The following ITGA9 variants were observed in gnomAD, a reference collection of about 807,000 sequenced individuals.
The protein encoded by ITGA9 is integrin alpha-9.
A neutral mutation model predicts 127.8 loss-of-function variants in ITGA9; 56 were observed. The ratio of observed to expected loss-of-function variants is 0.44; its 90% CI spans 0.35 to 0.55. The LOEUF (loss-of-function observed/expected upper bound fraction) is 0.55, where lower values mean the gene tolerates loss of function less well. Ranked by LOEUF, ITGA9 falls within the 20% of genes least tolerant of loss-of-function variation. The probability of loss-of-function intolerance (pLI) is 0.00; values close to 1 mark genes in which losing one functional copy is unlikely to be tolerated. For missense variants in ITGA9, 1,196 were observed against 1,347.1 expected (o/e 0.89, Z 1.76); for synonymous variants, 508 against 514.5 (o/e 0.99, Z 0.17).
At chr3:37,750,655 C>T (rs1696572488) in intron 23 of ITGA9, 86 bp downstream of exon 23, 2 of 951,314 alleles carry the variant, frequency 2.1e-6, no homozygotes, top group Non-Finnish European at 3.4e-6. Flanking sequence ...CTGACATCCA[C>T]CTTGAGGGTT....
rs756440884 is a variant in ITGA9, at chr3:37,479,588, G to T, written c.421-1896G>T. 3.3e-5 allele frequency among the ~76,000 whole-genome samples: 5 copies of T among 152,318 alleles called. No homozygotes were observed. The South Asian group carries it at 8.3e-4, about 25-fold the overall frequency. ...AGAGCCCCCTCACTCACTCGGTGAC[G>T]TGGGGCATTCCATTCGACCCCAGAG... On this transcript the variant is annotated intron_variant, in intron 3 of 27. Transcript: ENST00000264741.
At chr3:37,731,131 T>C (rs1205784012) in intron 18 of ITGA9, among the ~76,000 whole-genome samples, 1 of 152,220 alleles carries the variant, frequency 6.6e-6, no homozygotes, top group Non-Finnish European at 1.5e-5. Flanking sequence ...GTATTAAAAA[T>C]GCTCATCCCA....
At chr3:37,501,898 G>T (rs1358345138) in intron 5 of ITGA9, among the ~76,000 whole-genome samples, 1 of 152,174 alleles carries the variant, frequency 6.6e-6, no homozygotes, top group African/African-American at 2.4e-5. Context: ...TGAAATAGTG[G>T]ACAGTGTTGA....
At chr3:37,576,803 C>T (rs1392178858) in intron 15 of ITGA9, among the ~76,000 whole-genome samples, 2 of 152,186 alleles carry the variant, frequency 1.3e-5, no homozygotes, top group Admixed American at 6.5e-5. Flanking sequence ...GCAGGGGTTT[C>T]GCCATGTTGC....
intron 23 of ITGA9, among the ~76,000 whole-genome samples, chr3:37,776,964 T>G (rs776104544): frequency 2.6e-5 from 4 of 152,218 alleles, no homozygotes; most frequent in Non-Finnish European, 5.9e-5. Flanking sequence ...CCATCAGGCT[T>G]GGTCCCAAGT....
At chr3:37,491,177 TTGTTCCCCAGGCTGA>T (rs1698669512) in intron 4 of ITGA9, among the ~76,000 whole-genome samples, 1 of 151,996 alleles carries the variant, frequency 6.6e-6, no homozygotes, top group Non-Finnish European at 1.5e-5. Context: ...GGGTCTCACT[TTGTTCCCCAGGCTGA>T]TTTTCAACTC....
chr3:37,712,364 A>AG (rs11370441), intron 18 of ITGA9, among the ~76,000 whole-genome samples: 150,405 of 152,316 alleles, frequency 0.99, 74,266 homozygotes, highest in Middle Eastern at 1. Context: ...CTTCCCACTT[A>AG]GGGAACCAGG....
intron 16 of ITGA9, among the ~76,000 whole-genome samples, chr3:37,633,628 A>G (rs1463056476): frequency 6.6e-6 from 1 of 152,210 alleles, no homozygotes; most frequent in African/African-American, 2.4e-5. Flanking sequence ...TAACTGCTGG[A>G]TTATGGGGCT....
chr3:37,461,405 C>T (rs1005496806), intron 1 of ITGA9, among the ~76,000 whole-genome samples: 2 of 152,118 alleles, frequency 1.3e-5, no homozygotes, highest in African/African-American at 4.8e-5. Context: ...AAGGGTACAT[C>T]CCTCATTAGG....
rs755426321 is a variant in ITGA9, at chr3:37,653,740, A to C, written c.1866A>C (p.Ser622=). The part of the protein sequence containing the change: ...NQTVFERNCR[S]EDCAADLQLQ... ...CTGTTTTTGAAAGGAATTGCCGTTC[A>C]GAGGACTGTGCCGCAGACCTGCAGC... The change falls in exon 17 of 28, where the codon TCA becomes TCC. Residue 622 remains serine, a synonymous_variant. Coordinates refer to ENST00000264741, the MANE Select transcript of ITGA9 (RefSeq NM_002207.3). 1.2e-6 allele frequency: 2 copies of C among 1,613,952 alleles called. No homozygotes were observed. Among genetic ancestry groups the C allele is most frequent in the Non-Finnish European group, 1.7e-6 (2 of 1,179,846 alleles).
chr3:37,517,640 C>G, intron 10 of ITGA9, 31 bp downstream of exon 10: 1 of 1,463,490 alleles, frequency 6.8e-7, no homozygotes, highest in Admixed American at 1.9e-5. Flanking sequence ...CACGGAGCCC[C>G]TCCAGGTGCA....
At position 37,653,933 on chromosome 3, in the gene ITGA9, AT is replaced by A; in HGVS notation, c.1916+144del. The A allele has an allele frequency of 5.9e-6, 4 of 680,556 alleles. 1 individual carries two copies. Among genetic ancestry groups the A allele is most frequent in the South Asian group, 4.9e-5 (3 of 61,040 alleles). The allele number at this position is 680,556 out of a possible 1,614,324, so 42.2% of individuals were successfully genotyped here. A position where few individuals can be genotyped will look rare whatever the true frequency, so the allele number is the denominator to read the frequency against. On this transcript the variant is annotated intron_variant, in intron 17 of 27. Coordinates refer to ENST00000264741, the MANE Select transcript of ITGA9 (RefSeq NM_002207.3). ...AGTAATATTCTGTGGTTTTAAAAAA[AT>A]GTATGTTACAAAATAATTATAACAA...
intron 26 of ITGA9, among the ~76,000 whole-genome samples, chr3:37,798,537 T>C (rs983117091): frequency 2.0e-5 from 3 of 152,210 alleles, no homozygotes; most frequent in African/African-American, 2.4e-5. Flanking sequence ...TGCATTTTAA[T>C]AGAGTTCCTC....
intron 16 of ITGA9, among the ~76,000 whole-genome samples, chr3:37,647,290 A>G (rs1266278504): frequency 1.3e-5 from 2 of 151,522 alleles, no homozygotes; most frequent in Non-Finnish European, 2.9e-5. Flanking sequence ...TGCATAACAA[A>G]CTCTGAAATT....
intron 15 of ITGA9, among the ~76,000 whole-genome samples, chr3:37,578,663 G>A (rs1699676158): frequency 2.0e-5 from 3 of 152,058 alleles, no homozygotes; most frequent in Admixed American, 2.0e-4. Flanking sequence ...ATTTAGATGG[G>A]CTCAGGAATT....
chr3:37,488,488 CT>C (rs1003373627), intron 4 of ITGA9, among the ~76,000 whole-genome samples: 1 of 152,094 alleles, frequency 6.6e-6, no homozygotes, highest in African/African-American at 2.4e-5. Context: ...TACAAAACTC[CT>C]TTTTTGGTAA....
At chr3:37,517,722 A>G (rs912688137) in intron 10 of ITGA9, 113 bp downstream of exon 10, 7 of 793,872 alleles carry the variant, frequency 8.8e-6, no homozygotes, top group Non-Finnish European at 1.3e-5. Flanking sequence ...TCCTGGGTCT[A>G]CTGATCCCCT....
At chr3:37,707,088 GT>G (rs1701015168) in intron 18 of ITGA9, among the ~76,000 whole-genome samples, 2 of 152,216 alleles carry the variant, frequency 1.3e-5, no homozygotes, top group Non-Finnish European at 2.9e-5. Context: ...TATACAAGAA[GT>G]TATCAGCTAA....
chr3:37,686,754 C>A (rs567171692), intron 18 of ITGA9, among the ~76,000 whole-genome samples: 29 of 152,168 alleles, frequency 1.9e-4, no homozygotes, highest in South Asian at 1.5e-3. Flanking sequence ...GGAGGCAGGG[C>A]CAGCCAGAAA....
Sources: gnomAD v4.1 joint callset for allele counts (sites outside exome capture counted in the v4.1 genomes callset) on GRCh38, gnomAD v4.1.1 for gene constraint, MANE v1.5 for transcripts, NCBI Gene and HGNC (gene_info 2026-07-23, HGNC 2026-07-21) for gene names.